Variants in ORC3 observed in about 807,000 individuals in gnomAD.
ORC3 encodes the protein origin recognition complex subunit 3, also known as homolog of latheo, Drosophila.
A neutral mutation model predicts 100.7 loss-of-function variants in ORC3; 78 were observed. That is an observed-to-expected ratio of 0.77 (90% CI 0.65 to 0.94). ORC3 has a LOEUF of 0.94. Among genes scored for constraint, ORC3 ranks in the 40% least tolerant of loss-of-function variants. The pLI is 0.00. For synonymous variants in ORC3, 295 were observed against 289.3 expected (o/e 1.02, Z -0.20); for missense variants, 789 against 823.9 (o/e 0.96, Z 0.52).
At chr6:87,643,998 T>C (rs894726054) in intron 13 of ORC3, among the ~76,000 whole-genome samples, 1 of 150,188 alleles carries the variant, frequency 6.7e-6, no homozygotes, top group African/African-American at 2.5e-5. Flanking sequence ...CGGTCTCTTC[T>C]CCTACCCCCC....
intron 11 of ORC3, among the ~76,000 whole-genome samples, chr6:87,632,525 T>G (rs780541812): frequency 6.6e-6 from 1 of 152,182 alleles, no homozygotes; most frequent in African/African-American, 2.4e-5. Flanking sequence ...CCAGATGATA[T>G]AGTCTGCCAT....
chr6:87,592,543 C>T (rs989563201), intron 1 of ORC3, among the ~76,000 whole-genome samples: 5 of 151,212 alleles, frequency 3.3e-5, no homozygotes, highest in Non-Finnish European at 7.4e-5. Context: ...GCAGGAGAAT[C>T]GCCTGAACCC....
chr6:87,634,992 G>A, intron 12 of ORC3, 31 bp downstream of exon 12: 1 of 1,072,572 alleles, frequency 9.3e-7, no homozygotes, highest in Non-Finnish European at 1.5e-6. Context: ...TGTAATCCAT[G>A]AAGTAGGAAT....
intron 11 of ORC3, among the ~76,000 whole-genome samples, chr6:87,626,055 T>A (rs1779877011): frequency 6.6e-6 from 1 of 152,234 alleles, no homozygotes; most frequent in African/African-American, 2.4e-5. Context: ...ATCTCTGTTT[T>A]GGTACCAGTA....
chr6:87,608,381 T>C (rs557754876), intron 6 of ORC3, among the ~76,000 whole-genome samples: 4 of 152,280 alleles, frequency 2.6e-5, no homozygotes, highest in African/African-American at 7.2e-5. Flanking sequence ...AATAATAACC[T>C]AGGTTAACAC....
At chr6:87,602,611 G>A (rs1030317173) in intron 3 of ORC3, among the ~76,000 whole-genome samples, 15 of 151,966 alleles carry the variant, frequency 9.9e-5, no homozygotes, top group African/African-American at 3.4e-4. Context: ...GCTCATTCAC[G>A]TATTCCATGT....
chr6:87,612,227 C>G lies in ORC3; in HGVS notation c.852C>G (p.His284Gln). 1 of 1,609,204 alleles carries G rather than the reference C, an allele frequency of 6.2e-7. No individual in the cohort carries two copies. The highest frequency in any genetic ancestry group is 8.5e-7 in the Non-Finnish European group (1 of 1,178,402). The change falls in exon 8 of 20, where the codon CAC (histidine) becomes CAG (glutamine). Residue 284 changes from histidine to glutamine, a missense_variant. Physicochemically the swap from His to Gln is conservative, Grantham distance 24 (BLOSUM62 0). This residue lies in a region of ORC3 where 399 missense variants were observed against 382.0 expected (regional missense o/e 1.04). Transcript: ENST00000392844. Reference sequence around the variant, plus strand: ...TCCAATCTTTGTCTTGTAAGGAGCACCTGACTACGGTACTCGATAAGGTAA... The same window carrying G: ...TCCAATCTTTGTCTTGTAAGGAGCAGCTGACTACGGTACTCGATAAGGTAA... ...ELFQSLSCKE[H>Q]LTTVLDKLLL...
intron 9 of ORC3, among the ~76,000 whole-genome samples, chr6:87,617,737 T>C: frequency 6.6e-6 from 1 of 152,086 alleles, no homozygotes. Context: ...CCTGTCTCTA[T>C]AAAAAACAAA....
intron 1 of ORC3, among the ~76,000 whole-genome samples, chr6:87,590,846 G>C (rs969493468): frequency 2.0e-5 from 3 of 152,182 alleles, no homozygotes; most frequent in Admixed American, 6.5e-5. Context: ...AGTAGACAAA[G>C]AGTGGGAGCG....
chr6:87,597,668 GATAT>G (rs71021303), intron 2 of ORC3, among the ~76,000 whole-genome samples: 4,477 of 142,380 alleles, frequency 0.031, 86 homozygotes, highest in Middle Eastern at 0.046. Context: ...TTTAAGTAAT[GATAT>G]ATATATATAC....
intron 12 of ORC3, among the ~76,000 whole-genome samples, chr6:87,635,614 T>C (rs1484382450): frequency 6.6e-6 from 1 of 152,060 alleles, no homozygotes; most frequent in Non-Finnish European, 1.5e-5. Flanking sequence ...CTGGCCAACA[T>C]GGTGAAACCC....
chr6:87,621,937 G>A lies in ORC3; in HGVS notation c.1122-13G>A. 2 of 1,584,130 alleles carry A rather than the reference G, an allele frequency of 1.3e-6. No individual in the cohort carries two copies. The highest frequency in any genetic ancestry group is 8.7e-7 in the Non-Finnish European group (1 of 1,156,044). ...ATTTTCTCTTTTTATGTATGGAATG[G>A]TGAAAATTCTAGGTACGTGGAAAAG... On this transcript the variant is annotated splice_polypyrimidine_tract_variant and intron_variant, in intron 10 of 19. Coordinates refer to ENST00000392844, the MANE Select transcript of ORC3 (RefSeq NM_012381.4).
intron 3 of ORC3, among the ~76,000 whole-genome samples, chr6:87,602,954 A>AATATATATATATATATATTAT (rs397935596): frequency 8.4e-5 from 8 of 95,270 alleles, no homozygotes; most frequent in Admixed American, 2.8e-4. Context: ...ACACATATAT[A>AATATATATATATATATATTAT]ATATATATAT....
the ORC3 span, among the ~76,000 whole-genome samples, chr6:87,676,654 C>T: frequency 6.7e-6 from 1 of 149,054 alleles, no homozygotes; most frequent in African/African-American, 2.5e-5. Context: ...GTGGCACACA[C>T]CTGTAGTCCC....
chr6:87,596,757 A>G (rs1021274779), intron 2 of ORC3, among the ~76,000 whole-genome samples: 9 of 152,222 alleles, frequency 5.9e-5, no homozygotes, highest in East Asian at 1.9e-4. Flanking sequence ...GACTTCTTCA[A>G]TCAAATCCAG....
chr6:87,618,960 G>A (rs1779354013), intron 9 of ORC3, among the ~76,000 whole-genome samples: 1 of 152,180 alleles, frequency 6.6e-6, no homozygotes, highest in South Asian at 2.1e-4. Context: ...TTAGGGGTGT[G>A]TTAGACATAA....
chr6:87,663,233 AATGAGC>A, intron 17 of ORC3, 89 bp downstream of exon 17: 1 of 1,043,930 alleles, frequency 9.6e-7, no homozygotes, highest in East Asian at 2.5e-5. Flanking sequence ...GTTATGTTTT[AATGAGC>A]AGAGAGTCGG....
intron 18 of ORC3, 138 bp downstream of exon 18, chr6:87,664,997 C>A: frequency 1.6e-6 from 1 of 617,000 alleles, no homozygotes; most frequent in Non-Finnish European, 2.8e-6. Context: ...AAGCATAAAT[C>A]ATTTCAAACT....
At chr6:87,666,700 A>G (rs1472469204) in intron 19 of ORC3, among the ~76,000 whole-genome samples, 2 of 152,068 alleles carry the variant, frequency 1.3e-5, no homozygotes, top group Admixed American at 1.3e-4. Flanking sequence ...CGGCCTCCCA[A>G]AGTGCTGGGA....
Sources: allele counts gnomAD v4.1 joint callset (sites outside exome capture counted in the v4.1 genomes callset), GRCh38; gene constraint gnomAD v4.1.1; regional missense constraint gnomAD v4.1.1; transcripts MANE v1.5; gene names NCBI Gene and HGNC (gene_info 2026-07-23, HGNC 2026-07-21).